CTIF: variants seen among roughly 807,000 people sequenced by gnomAD.
CTIF encodes the protein cap binding complex dependent translation initiation factor, also known as CBP80/20-dependent translation initiation factor.
Under a neutral mutation model 66.0 loss-of-function variants are expected in CTIF, and 21 were observed. That is an observed-to-expected ratio of 0.32 (90% CI 0.23 to 0.46). CTIF has a LOEUF of 0.46. Ranked by LOEUF, CTIF falls within the 20% of genes least tolerant of loss-of-function variation. The pLI is 1.00. For missense variants in CTIF, 739 were observed against 812.7 expected, an observed-to-expected ratio of 0.91 and a Z score of 1.10; for synonymous variants, 345 against 326.4, an observed-to-expected ratio of 1.06 and a Z score of -0.62.
chr18:48,641,456 T>C (rs190835269), intron 3 of CTIF, among the ~76,000 whole-genome samples: 2 of 152,334 alleles, frequency 1.3e-5, no homozygotes, highest in East Asian at 3.9e-4. Flanking sequence ...TCAGGCAGGT[T>C]CACCTGAAGC....
At chr18:48,740,562 G>A (rs893006661) in intron 7 of CTIF, among the ~76,000 whole-genome samples, 1 of 152,238 alleles carries the variant, frequency 6.6e-6, no homozygotes, top group African/African-American at 2.4e-5. Context: ...GGTGAGACTG[G>A]TGTTCCTCAG....
intron 9 of CTIF, among the ~76,000 whole-genome samples, chr18:48,808,260 A>G (rs1477065929): frequency 6.6e-6 from 1 of 152,198 alleles, no homozygotes; most frequent in Non-Finnish European, 1.5e-5. Flanking sequence ...AGTAATTTAC[A>G]TTTTGACACA....
At chr18:48,667,082 GACACACACAC>G (rs4044188) in intron 5 of CTIF, among the ~76,000 whole-genome samples, 27 of 142,278 alleles carry the variant, frequency 1.9e-4, no homozygotes, top group East Asian at 1.2e-3. Context: ...CAGGAAAGTA[GACACACACAC>G]ACACACACAC....
chr18:48,837,334 CA>C (rs1360554002), intron 10 of CTIF, among the ~76,000 whole-genome samples: 1 of 152,122 alleles, frequency 6.6e-6, no homozygotes, highest in Non-Finnish European at 1.5e-5. Flanking sequence ...AAGCATTTAG[CA>C]GGGGCCTGGC....
At chr18:48,704,703 C>G (rs771260900) in intron 6 of CTIF, among the ~76,000 whole-genome samples, 1 of 152,182 alleles carries the variant, frequency 6.6e-6, no homozygotes, top group South Asian at 2.1e-4. Flanking sequence ...TCAGTCATAT[C>G]GGACCGGGGC....
At chr18:48,849,636 A>AC (rs2069156309) in intron 10 of CTIF, among the ~76,000 whole-genome samples, 1 of 129,554 alleles carries the variant, frequency 7.7e-6, no homozygotes, top group Admixed American at 9.0e-5. Flanking sequence ...GCCAGGCTGG[A>AC]ATGCAGTGGC....
intron 6 of CTIF, among the ~76,000 whole-genome samples, chr18:48,672,679 G>T (rs1489672927): frequency 6.6e-6 from 1 of 152,112 alleles, no homozygotes; most frequent in Non-Finnish European, 1.5e-5. Flanking sequence ...AGGGAGGTTG[G>T]CCTCAAGCCC....
intron 9 of CTIF, among the ~76,000 whole-genome samples, chr18:48,779,084 C>T (rs112726890): frequency 9.9e-4 from 151 of 152,298 alleles, no homozygotes; most frequent in African/African-American, 3.2e-3. Flanking sequence ...TAATACCTGC[C>T]TCCTTTGGGT....
intron 7 of CTIF, among the ~76,000 whole-genome samples, chr18:48,741,247 C>G (rs567390521): frequency 2.0e-5 from 3 of 150,758 alleles, no homozygotes; most frequent in Admixed American, 1.3e-4. Context: ...CAGCCTGCCT[C>G]TCCAGCCAGG....
intron 6 of CTIF, among the ~76,000 whole-genome samples, chr18:48,709,216 C>T (rs545518633): frequency 6.6e-6 from 1 of 152,380 alleles, no homozygotes; most frequent in South Asian, 2.1e-4. Flanking sequence ...CTGACATTCA[C>T]AGTCTAACTC....
chr18:48,545,957 A>G (rs1214281621), intron 1 of CTIF, among the ~76,000 whole-genome samples: 1 of 152,188 alleles, frequency 6.6e-6, no homozygotes. Context: ...GCGACAGCCA[A>G]GAGCGTGTTT....
chr18:48,827,094 G>A (rs918353041), intron 10 of CTIF, among the ~76,000 whole-genome samples: 3 of 152,116 alleles, frequency 2.0e-5, no homozygotes, highest in South Asian at 4.2e-4. Context: ...GGCCCGATGA[G>A]CGAGCCGTGG....
At chr18:48,661,181 C>T (rs2091338654) in intron 3 of CTIF, among the ~76,000 whole-genome samples, 1 of 152,216 alleles carries the variant, frequency 6.6e-6, no homozygotes, top group African/African-American at 2.4e-5. Context: ...GAAGGTCTAA[C>T]ATTCATGTAA....
intron 1 of CTIF, among the ~76,000 whole-genome samples, chr18:48,575,775 G>T (rs1483510723): frequency 6.6e-6 from 1 of 152,242 alleles, no homozygotes; most frequent in East Asian, 1.9e-4. Flanking sequence ...GTGCTGGGCT[G>T]TGGCCGCAAC....
Position 48,811,889 on chromosome 18 carries a change from C to T in CTIF, c.1372-5332C>T, listed in dbSNP as rs138392497. Among the ~76,000 whole-genome samples, 167 of 152,288 alleles carry T rather than the reference C, an allele frequency of 1.1e-3. 1 individual carries two copies. The East Asian group carries it at 0.015, about 14-fold the overall frequency. ...TCTCTTTGAAATCCTGATTTCATTT[C>T]CTTTGGATATATACCCAGAAGTGGA... On this transcript the variant is annotated intron_variant, in intron 9 of 11. Transcript: ENST00000256413.
In CTIF at chr18:48,617,676, G is replaced by C. The variant is rs183895727; in HGVS notation, c.-28-1862G>C. Among the ~76,000 whole-genome samples the C allele has an allele frequency of 1.5e-3, 232 of 152,332 alleles. 1 individual carries two copies. Among genetic ancestry groups the C allele is most frequent in the African/African-American group, 5.3e-3 (220 of 41,578 alleles). On this transcript the variant is annotated intron_variant, in intron 1 of 11. Coordinates refer to ENST00000256413, the MANE Select transcript of CTIF (RefSeq NM_014772.3). ...AATGGACAGTACCTCCCATGCCCCT[G>C]CCTGTGGCCCTTGCCACCAGATGTG...
chr18:48,792,711 A>G (rs2067820171), intron 9 of CTIF, among the ~76,000 whole-genome samples: 1 of 152,110 alleles, frequency 6.6e-6, no homozygotes, highest in African/African-American at 2.4e-5. Context: ...GGTGCAAAAG[A>G]ATGTTGGGGT....
chr18:48,790,962 C>T (rs2067780372), intron 9 of CTIF, among the ~76,000 whole-genome samples: 1 of 152,226 alleles, frequency 6.6e-6, no homozygotes. Context: ...TCCCTCAGCC[C>T]CCAAACCTGT....
At chr18:48,592,193 G>T (rs952380687) in intron 1 of CTIF, among the ~76,000 whole-genome samples, 1 of 151,520 alleles carries the variant, frequency 6.6e-6, no homozygotes, top group Non-Finnish European at 1.5e-5. Context: ...CCAGCTTCCT[G>T]GGTTGGTTTG....
Sources: gnomAD v4.1 joint callset for allele counts (sites outside exome capture counted in the v4.1 genomes callset) on GRCh38, gnomAD v4.1.1 for gene constraint, MANE v1.5 for transcripts, NCBI Gene and HGNC (gene_info 2026-07-23, HGNC 2026-07-21) for gene names.